INTU: variants seen among roughly 807,000 people sequenced by gnomAD.
The protein encoded by INTU is protein inturned.
In INTU, 68 loss-of-function variants were observed where a neutral mutation model predicts 100.5. The ratio of observed to expected loss-of-function variants is 0.68; its 90% CI spans 0.56 to 0.83. The LOEUF is 0.83. Among genes scored for constraint, INTU ranks in the 40% least tolerant of loss-of-function variants. The probability of loss-of-function intolerance (pLI) is 0.00; values close to 1 mark genes in which losing one functional copy is unlikely to be tolerated. For missense variants in INTU, 1,071 were observed against 1,114.7 expected, an observed-to-expected ratio of 0.96 and a Z score of 0.56; for synonymous variants, 357 against 395.7, an observed-to-expected ratio of 0.90 and a Z score of 1.16.
At chr4:127,677,536 G>A (rs1445534104) in intron 6 of INTU, among the ~76,000 whole-genome samples, 1 of 151,200 alleles carries the variant, frequency 6.6e-6, no homozygotes, top group Middle Eastern at 3.2e-3. Flanking sequence ...CTGCAGCTGA[G>A]GGTCCTGTCT....
At chr4:127,704,462 G>T (rs888920254) in intron 10 of INTU, among the ~76,000 whole-genome samples, 172 bp downstream of exon 10, 1 of 152,106 alleles carries the variant, frequency 6.6e-6, no homozygotes, top group African/African-American at 2.4e-5. Context: ...CACCTAGGCT[G>T]GAGTACGGGG....
intron 5 of INTU, 36 bp from the exon 6 acceptor site, chr4:127,674,088 G>T: frequency 7.4e-7 from 1 of 1,342,808 alleles, no homozygotes. Flanking sequence ...ACATTTAAAG[G>T]TATTCTAACC....
chr4:127,638,942 G>T (rs541319304), intron 1 of INTU, among the ~76,000 whole-genome samples: 79 of 152,216 alleles, frequency 5.2e-4, no homozygotes, highest in Admixed American at 1.8e-3. Flanking sequence ...GTACTACAAA[G>T]ATCTGAATTA....
At chr4:127,647,598 G>A (rs1026264753) in intron 2 of INTU, among the ~76,000 whole-genome samples, 1 of 152,156 alleles carries the variant, frequency 6.6e-6, no homozygotes, top group Admixed American at 6.5e-5. Context: ...AGCATATTCA[G>A]AGATTTCAGG....
At chr4:127,650,999 G>A (rs950087161) in intron 2 of INTU, among the ~76,000 whole-genome samples, 3 of 151,792 alleles carry the variant, frequency 2.0e-5, no homozygotes, top group Admixed American at 6.6e-5. Flanking sequence ...TGTGTTTTTT[G>A]GCTGCATAAA....
intron 2 of INTU, among the ~76,000 whole-genome samples, chr4:127,646,218 T>C (rs1293885969): frequency 2.0e-5 from 3 of 151,918 alleles, no homozygotes; most frequent in East Asian, 1.9e-4. Flanking sequence ...GGATGACTTA[T>C]TATGCAACAA....
intron 8 of INTU, among the ~76,000 whole-genome samples, chr4:127,698,298 T>G (rs1488322853): frequency 1.3e-5 from 2 of 151,746 alleles, no homozygotes; most frequent in African/African-American, 4.8e-5. Context: ...CCATCTCTAC[T>G]AAAAATACAA....
intron 4 of INTU, 80 bp downstream of exon 4, chr4:127,663,664 C>A: frequency 9.5e-7 from 1 of 1,050,084 alleles, no homozygotes; most frequent in Non-Finnish European, 1.4e-6. Context: ...TATCGTATTC[C>A]CAGTGAATAG....
chr4:127,663,742 A>T (rs2126200402), intron 4 of INTU, among the ~76,000 whole-genome samples, 158 bp downstream of exon 4: 1 of 152,284 alleles, frequency 6.6e-6, no homozygotes, highest in South Asian at 2.1e-4. Flanking sequence ...TGTGTATCTA[A>T]TACTCTATTA....
intron 6 of INTU, among the ~76,000 whole-genome samples, chr4:127,674,617 C>A (rs1729088500): frequency 6.6e-6 from 1 of 152,146 alleles, no homozygotes. Context: ...GCATCTTTGA[C>A]AAAATAAGGT....
rs1296676309 is a variant in INTU, at chr4:127,705,727, A to G, written c.1703A>G (p.Gln568Arg). ...ATCATATGGAGAGAAGTGTTTCCTC[A>G]GCATCACCTCCGACCTTTGGCAGAC... ...QLIIWREVFP[Q>R]HHLRPLADSS... Residue 568 changes from glutamine to arginine, a missense_variant, in exon 11 of 16, where the codon CAG becomes CGG. Transcript: ENST00000335251. The G allele has an allele frequency of 6.2e-7, 1 of 1,614,066 alleles. No individual in the cohort carries two copies. The highest frequency in any genetic ancestry group is 8.5e-7 in the Non-Finnish European group (1 of 1,179,946).
At chr4:127,641,541 G>A (rs868676267) in intron 1 of INTU, among the ~76,000 whole-genome samples, 12 of 151,874 alleles carry the variant, frequency 7.9e-5, no homozygotes, top group Admixed American at 1.3e-4. Context: ...GGTTTCTGGG[G>A]TCTCCCTGAT....
chr4:127,645,673 G>T (rs1443249933), intron 2 of INTU, among the ~76,000 whole-genome samples: 1 of 151,892 alleles, frequency 6.6e-6, no homozygotes, highest in East Asian at 1.9e-4. Context: ...CGATTCTTCT[G>T]CCTCAGCCTC....
chr4:127,694,699 G>T (rs1730305149), intron 8 of INTU, among the ~76,000 whole-genome samples: 1 of 152,074 alleles, frequency 6.6e-6, no homozygotes, highest in Non-Finnish European at 1.5e-5. Context: ...AAGGGTGTAT[G>T]GTGTGTGTCT....
At chr4:127,673,906 G>A (rs1302810131) in intron 5 of INTU, among the ~76,000 whole-genome samples, 1 of 150,214 alleles carries the variant, frequency 6.7e-6, no homozygotes, top group East Asian at 1.9e-4. Flanking sequence ...CTGGCCTAGA[G>A]TTTTCTGTTT....
intron 14 of INTU, among the ~76,000 whole-genome samples, chr4:127,713,365 C>T (rs1435249898): frequency 6.6e-6 from 1 of 152,208 alleles, no homozygotes; most frequent in African/African-American, 2.4e-5. Context: ...GATCACTCCA[C>T]TGTTTGCCCT....
At position 127,725,726 on chromosome 4, in the gene INTU, G is replaced by T. The variant is rs146765765; in HGVS notation, c.*9290G>T. 5.9e-5 allele frequency: 9 copies of T among 152,268 alleles called. No individual in the cohort carries two copies. Among genetic ancestry groups the T allele is most frequent in the Non-Finnish European group, 1.0e-4 (7 of 68,006 alleles). 9.4% of individuals were successfully genotyped at this position (152,268 alleles called of 1,614,324 possible). On this transcript the variant is annotated 3_prime_UTR_variant, in exon 16 of 16. Transcript: ENST00000335251. ...TAAAAGGAAAATTATTTGCTGTATC[G>T]TAGATGTGCACTGTAATTTCCATGT...
intron 1 of INTU, among the ~76,000 whole-genome samples, chr4:127,641,010 TC>T (rs1727306720): frequency 9.9e-6 from 1 of 100,866 alleles, no homozygotes; most frequent in Non-Finnish European, 2.0e-5. Context: ...TCAACATGAA[TC>T]CCTCTCTCTC....
intron 7 of INTU, chr4:127,685,393 C>T (rs1254898977): frequency 6.6e-6 from 3 of 452,722 alleles, no homozygotes; most frequent in African/African-American, 2.0e-5. Flanking sequence ...ATAGTGATAT[C>T]AGCTCTCTGT....
Sources: gnomAD v4.1 joint callset for allele counts (sites outside exome capture counted in the v4.1 genomes callset) on GRCh38, gnomAD v4.1.1 for gene constraint, MANE v1.5 for transcripts, NCBI Gene and HGNC (gene_info 2026-07-23, HGNC 2026-07-21) for gene names.